The following B3GLCT variants were observed in gnomAD, a reference collection of about 807,000 sequenced individuals.
B3GLCT encodes beta 3-glucosyltransferase.
A neutral mutation model predicts 63.4 loss-of-function variants in B3GLCT; 65 were observed. The observed-to-expected ratio is 1.03, with a 90% CI of 0.84 to 1.26. B3GLCT has a LOEUF of 1.26. Among genes scored for constraint, B3GLCT ranks in the 50% most tolerant of loss-of-function variants. B3GLCT has a pLI of 0.00. For missense variants in B3GLCT, 577 were observed against 604.8 expected (o/e 0.95, Z 0.48); for synonymous variants, 233 against 219.2 (o/e 1.06, Z -0.55).
intron 6 of B3GLCT, among the ~76,000 whole-genome samples, chr13:31,255,100 C>A (rs1326976000): frequency 6.6e-6 from 1 of 151,170 alleles, no homozygotes; most frequent in Non-Finnish European, 1.5e-5. Context: ...TAAGCAACTT[C>A]AGCAAAGTCT....
chr13:31,242,887 T>C (rs1330725159), intron 4 of B3GLCT, among the ~76,000 whole-genome samples: 1 of 152,212 alleles, frequency 6.6e-6, no homozygotes, highest in African/African-American at 2.4e-5. Flanking sequence ...TAGACTCAGA[T>C]TCCTAGAAGG....
At chr13:31,235,228 G>A (rs1870587988) in intron 4 of B3GLCT, among the ~76,000 whole-genome samples, 1 of 152,144 alleles carries the variant, frequency 6.6e-6, no homozygotes, top group African/African-American at 2.4e-5. Context: ...CAGGTTTAGA[G>A]GGTGATGATG....
chr13:31,269,426 G>C (rs928342620), intron 8 of B3GLCT, 149 bp downstream of exon 8: 1 of 615,458 alleles, frequency 1.6e-6, no homozygotes, highest in Admixed American at 2.7e-5. Context: ...CAGCGAATTA[G>C]GTGCTTTTAT....
intron 7 of B3GLCT, among the ~76,000 whole-genome samples, chr13:31,265,724 ACT>A (rs1344168496): frequency 1.3e-5 from 2 of 152,222 alleles, no homozygotes; most frequent in African/African-American, 2.4e-5. Context: ...ATTCCAGGAC[ACT>A]GTTTCTGGTT....
At chr13:31,266,022 C>G (rs758542473) in intron 7 of B3GLCT, among the ~76,000 whole-genome samples, 2 of 151,086 alleles carry the variant, frequency 1.3e-5, no homozygotes, top group African/African-American at 4.9e-5. Flanking sequence ...TTTTTTGAAA[C>G]GGAGTCTCGC....
intron 6 of B3GLCT, among the ~76,000 whole-genome samples, chr13:31,250,933 T>C (rs1029798966): frequency 6.6e-6 from 1 of 152,098 alleles, no homozygotes; most frequent in African/African-American, 2.4e-5. Flanking sequence ...CACCTCCCAG[T>C]AGGGGCCGAC....
At chr13:31,211,363 T>C (rs1351892218) in intron 1 of B3GLCT, among the ~76,000 whole-genome samples, 1 of 152,126 alleles carries the variant, frequency 6.6e-6, no homozygotes, top group African/African-American at 2.4e-5. Flanking sequence ...GCCACTGCAC[T>C]CCACTCTGGG....
intron 6 of B3GLCT, among the ~76,000 whole-genome samples, chr13:31,249,463 T>G (rs1439488191): frequency 6.6e-6 from 1 of 152,230 alleles, no homozygotes; most frequent in Non-Finnish European, 1.5e-5. Flanking sequence ...CTTTTATGTT[T>G]CCTTTTGGCT....
At position 31,323,788 on chromosome 13, in the gene B3GLCT, G is replaced by A. The variant is rs144207959; in HGVS notation, c.1222G>A (p.Ala408Thr). 2.5e-5 allele frequency: 40 copies of A among 1,614,092 alleles called. No homozygotes were observed. Among genetic ancestry groups the A allele is most frequent in the South Asian group, 5.5e-5 (5 of 91,072 alleles). ...FSREAVRRLL[A>T]SKCRCYSNDA... is the part of the protein sequence containing the mutation. ...CAGAGAAGCCGTCAGGAGACTTCTC[G>A]CCAGTAAATGTCGATGCTACAGCAA... The change falls in exon 14 of 15, where the codon GCC (alanine) becomes ACC (threonine). Residue 408 changes from alanine (A) to threonine (T), a missense_variant. Ala to Thr is a moderately conservative substitution (Grantham distance 58). Coordinates refer to ENST00000343307, the MANE Select transcript of B3GLCT (RefSeq NM_194318.4).
At chr13:31,257,419 G>C (rs1043191242) in intron 6 of B3GLCT, among the ~76,000 whole-genome samples, 1 of 151,560 alleles carries the variant, frequency 6.6e-6, no homozygotes, top group Non-Finnish European at 1.5e-5. Context: ...CATTTGTCTT[G>C]GTTGTTACAG....
intron 7 of B3GLCT, among the ~76,000 whole-genome samples, chr13:31,266,236 GTTT>G (rs1872312236): frequency 6.6e-6 from 1 of 151,994 alleles, no homozygotes; most frequent in African/African-American, 2.4e-5. Context: ...CTGACCTCAT[GTTT>G]TGCCCGCCTT....
chr13:31,300,693 C>T (rs1874179007), intron 12 of B3GLCT, among the ~76,000 whole-genome samples: 1 of 152,050 alleles, frequency 6.6e-6, no homozygotes, highest in Non-Finnish European at 1.5e-5. Flanking sequence ...AGTTGGTTAC[C>T]AGAAGGCAAA....
At chr13:31,257,994 T>G (rs565357973) in intron 6 of B3GLCT, among the ~76,000 whole-genome samples, 143 of 152,226 alleles carry the variant, frequency 9.4e-4, no homozygotes, top group African/African-American at 3.3e-3. Flanking sequence ...AAATGTATAA[T>G]GTGTCGGATG....
intron 6 of B3GLCT, among the ~76,000 whole-genome samples, chr13:31,248,586 G>A (rs1196031336): frequency 6.6e-6 from 1 of 152,182 alleles, no homozygotes; most frequent in Non-Finnish European, 1.5e-5. Context: ...GGATGAGTAG[G>A]AGTTAGCAAG....
chr13:31,257,431 G>T (rs1261934511), intron 6 of B3GLCT, among the ~76,000 whole-genome samples: 1 of 151,676 alleles, frequency 6.6e-6, no homozygotes, highest in Non-Finnish European at 1.5e-5. Context: ...TTGTTACAGG[G>T]TATTCTTCTT....
chr13:31,278,124 A>G (rs1445116918), intron 10 of B3GLCT, among the ~76,000 whole-genome samples: 1 of 152,178 alleles, frequency 6.6e-6, no homozygotes, highest in East Asian at 1.9e-4. Flanking sequence ...TCTTGAAGCT[A>G]CACTTGGAGT....
rs1396650878 is a variant in B3GLCT, at chr13:31,323,974, C to G, written c.1329+79C>G. The stretch of plus-strand genomic sequence containing the variant: ...TCACTTAAGGATTTGACTTCTTTCT[C>G]TTCACATATTCGGGAAACAGACTAA... On this transcript the variant is annotated intron_variant, in intron 14 of 14. Transcript: ENST00000343307. The G allele has an allele frequency of 7.8e-6, 12 of 1,538,060 alleles. No individual in the cohort carries two copies. In the Admixed American group the frequency reaches 1.5e-4, roughly 19 times the overall value.
At chr13:31,301,944 G>A (rs1040672783) in intron 12 of B3GLCT, among the ~76,000 whole-genome samples, 24 of 151,906 alleles carry the variant, frequency 1.6e-4, no homozygotes, top group African/African-American at 4.1e-4. Flanking sequence ...ACCCTCCTGG[G>A]GTGAGTCCCA....
intron 12 of B3GLCT, among the ~76,000 whole-genome samples, chr13:31,305,233 T>C (rs1874363715): frequency 1.5e-5 from 1 of 67,892 alleles, no homozygotes; most frequent in Non-Finnish European, 2.9e-5. Context: ...GCAGGAAAGA[T>C]CCAAAATTGA....
Sources: allele counts gnomAD v4.1 joint callset (sites outside exome capture counted in the v4.1 genomes callset), GRCh38; gene constraint gnomAD v4.1.1; transcripts MANE v1.5; gene names NCBI Gene and HGNC (gene_info 2026-07-23, HGNC 2026-07-21).